Variants in FMN2 observed in about 807,000 individuals in gnomAD.
FMN2 encodes formin-2.
Under a neutral mutation model 142.3 loss-of-function variants are expected in FMN2, and 51 were observed. That is an observed-to-expected ratio of 0.36 (90% confidence interval 0.29 to 0.45). The LOEUF is 0.45. FMN2 is among the 20% of genes least tolerant of loss of function. FMN2 has a pLI of 1.00. For synonymous variants in FMN2, 882 were observed against 869.8 expected (o/e 1.01, Z -0.25); for missense variants, 1,936 against 2,122.8 (o/e 0.91, Z 1.73).
At chr1:240,287,716 C>T (rs1426265162) in intron 7 of FMN2, among the ~76,000 whole-genome samples, 4 of 152,090 alleles carry the variant, frequency 2.6e-5, no homozygotes, top group Non-Finnish European at 5.9e-5. Flanking sequence ...TGAAATGGGC[C>T]GTAATAATAA....
In FMN2 at chr1:240,206,999, A is replaced by G. The variant is rs760882194; in HGVS notation, c.2187A>G (p.Glu729=). The G allele has an allele frequency of 1.2e-6, 2 of 1,614,198 alleles. No individual in the cohort carries two copies. Among genetic ancestry groups the G allele is most frequent in the Admixed American group, 1.7e-5 (1 of 60,020 alleles). ...GDVCLEALRL[E]EKEVRHHRIL... ...TCTGTCTCGAAGCTCTCAGGTTAGA[A>G]GAAAAGGAAGTACGGCATCATAGGA... Residue 729 remains glutamate (E), a synonymous_variant, in exon 5 of 18, where the codon GAA becomes GAG. Coordinates refer to ENST00000319653, the MANE Select transcript of FMN2 (RefSeq NM_020066.5).
At chr1:240,346,164 T>A (rs1671901942) in intron 13 of FMN2, among the ~76,000 whole-genome samples, 1 of 152,096 alleles carries the variant, frequency 6.6e-6, no homozygotes, top group Non-Finnish European at 1.5e-5. Context: ...AGACCCCCAA[T>A]GAATGCCTCA....
At chr1:240,321,890 A>C (rs950179048) in intron 8 of FMN2, among the ~76,000 whole-genome samples, 2 of 152,180 alleles carry the variant, frequency 1.3e-5, no homozygotes, top group African/African-American at 4.8e-5. Context: ...TATTTGAAAC[A>C]CTTCTTGGTT....
intron 1 of FMN2, among the ~76,000 whole-genome samples, chr1:240,115,111 C>A (rs1661971787): frequency 6.6e-6 from 1 of 152,148 alleles, no homozygotes; most frequent in South Asian, 2.1e-4. Context: ...CCCTAGCATT[C>A]TTCAGTGATA....
intron 2 of FMN2, chr1:240,143,948 A>G (rs946302711): frequency 3.7e-5 from 54 of 1,460,458 alleles, no homozygotes; most frequent in Middle Eastern, 3.4e-4. Context: ...ACCAAGTCTC[A>G]TGGTGTTGCT....
intron 4 of FMN2, among the ~76,000 whole-genome samples, chr1:240,194,290 C>A (rs986973133): frequency 4.6e-5 from 7 of 152,106 alleles, no homozygotes; most frequent in Admixed American, 6.6e-5. Context: ...GGCTTTGGAC[C>A]AGTTTTCCTG....
At chr1:240,130,907 C>T (rs562407518) in intron 2 of FMN2, among the ~76,000 whole-genome samples, 1 of 152,214 alleles carries the variant, frequency 6.6e-6, no homozygotes, top group Non-Finnish European at 1.5e-5. Flanking sequence ...CTCCCTCTTT[C>T]CCTTACAACA....
chr1:240,243,317 T>C (rs929057663), intron 6 of FMN2, among the ~76,000 whole-genome samples: 1 of 152,096 alleles, frequency 6.6e-6, no homozygotes, highest in South Asian at 2.1e-4. Context: ...AATCTAGAGA[T>C]GAATTTATCT....
intron 6 of FMN2, chr1:240,245,617 C>A (rs1352945483): frequency 4.2e-6 from 2 of 470,872 alleles, no homozygotes; most frequent in Non-Finnish European, 8.8e-6. Context: ...TACTGCCTAG[C>A]ACAATGCCTG....
chr1:240,397,232 G>C (rs777631889), intron 15 of FMN2, among the ~76,000 whole-genome samples: 7 of 152,136 alleles, frequency 4.6e-5, no homozygotes, highest in African/African-American at 9.7e-5. Context: ...TTCCATGTTT[G>C]TTGGCCACTT....
chr1:240,170,743 G>C, intron 2 of FMN2: 3 of 1,459,340 alleles, frequency 2.1e-6, no homozygotes, highest in Non-Finnish European at 2.9e-6. Flanking sequence ...GGTGGGGCCT[G>C]GCTCTGTTTG....
chr1:240,256,654 G>A (rs899398333), intron 6 of FMN2, among the ~76,000 whole-genome samples: 29 of 151,944 alleles, frequency 1.9e-4, no homozygotes, highest in African/African-American at 7.0e-4. Context: ...AGGAGGCTGA[G>A]TCACGAGACT....
chr1:240,316,344 A>AAG (rs1281622238), intron 8 of FMN2, among the ~76,000 whole-genome samples: 6 of 152,296 alleles, frequency 3.9e-5, no homozygotes, highest in African/African-American at 9.6e-5. Context: ...AGAAGAGATA[A>AAG]AGACCCAGCA....
intron 1 of FMN2, among the ~76,000 whole-genome samples, chr1:240,119,052 G>A (rs957189900): frequency 1.3e-5 from 2 of 151,642 alleles, no homozygotes; most frequent in East Asian, 1.9e-4. Context: ...CCACCTGGCC[G>A]GGCGTGGTGG....
At chr1:240,127,071 G>GCTCA (rs1004443429) in intron 2 of FMN2, among the ~76,000 whole-genome samples, 13 of 152,096 alleles carry the variant, frequency 8.5e-5, no homozygotes, top group African/African-American at 3.1e-4. Context: ...GACAGCAAGG[G>GCTCA]CTCAGGCCAC....
intron 2 of FMN2, among the ~76,000 whole-genome samples, chr1:240,154,047 T>C (rs745680290): frequency 7.3e-6 from 1 of 137,630 alleles, no homozygotes; most frequent in Non-Finnish European, 1.5e-5. Flanking sequence ...GAGGCGGAGG[T>C]TGCAGTGAGC....
intron 7 of FMN2, among the ~76,000 whole-genome samples, chr1:240,288,245 C>T (rs1273323566): frequency 6.6e-6 from 1 of 152,158 alleles, no homozygotes; most frequent in East Asian, 1.9e-4. Flanking sequence ...TATTGTCTCA[C>T]ACGTCTCTGT....
At chr1:240,301,085 T>C (rs975552074) in intron 8 of FMN2, among the ~76,000 whole-genome samples, 6 of 151,974 alleles carry the variant, frequency 3.9e-5, no homozygotes, top group Non-Finnish European at 8.8e-5. Flanking sequence ...GATTTAGGTC[T>C]GTCATTTTTT....
intron 1 of FMN2, among the ~76,000 whole-genome samples, chr1:240,119,289 A>G (rs887710622): frequency 1.3e-5 from 2 of 148,462 alleles, no homozygotes; most frequent in Non-Finnish European, 3.0e-5. Context: ...AGATCATGCC[A>G]TTGCACTCCA....
Sources: gnomAD v4.1 joint callset for allele counts (sites outside exome capture counted in the v4.1 genomes callset) on GRCh38, gnomAD v4.1.1 for gene constraint, MANE v1.5 for transcripts, NCBI Gene and HGNC (gene_info 2026-07-23, HGNC 2026-07-21) for gene names.